DTX1: variants seen among roughly 807,000 people sequenced by gnomAD.
DTX1 encodes E3 ubiquitin-protein ligase DTX1.
DTX1 carries 26 observed loss-of-function variants against 57.8 expected under a neutral mutation model. That is an observed-to-expected ratio of 0.45 (90% CI 0.33 to 0.62). DTX1 has a LOEUF of 0.62. Ranked by LOEUF, DTX1 falls within the 20% of genes least tolerant of loss-of-function variation. The pLI, the probability that DTX1 is intolerant of heterozygous loss-of-function variation, is 0.02. For missense variants in DTX1, 704 were observed against 895.3 expected, an observed-to-expected ratio of 0.79 and a Z score of 2.73; for synonymous variants, 398 against 394.1, an observed-to-expected ratio of 1.01 and a Z score of -0.12.
rs543523980 is a variant in DTX1 at position 113,093,815 on chromosome 12, C to T, written c.1165+115C>T. The T allele has an allele frequency of 1.3e-6, 2 of 1,483,622 alleles. No homozygotes were observed. Among genetic ancestry groups the T allele is most frequent in the East Asian group, 4.9e-5 (2 of 40,988 alleles). 91.9% of individuals were successfully genotyped at this position (1,483,622 alleles called of 1,614,324 possible). On this transcript the variant is annotated intron_variant, in intron 5 of 9. Coordinates refer to ENST00000548759, the MANE Select transcript of DTX1 (RefSeq NM_004416.3). The surrounding 1 kb of genome is among the most constrained non-coding windows in gnomAD (Gnocchi z 4.2). ...GCATTTACTACCTCACCTCCATTGC[C>T]TGATCTCAGCTCCCCTTGCCCTGGC...
At position 113,078,102 on chromosome 12, in the gene DTX1, C is replaced by T. The variant is rs1423938882; in HGVS notation, c.938C>T (p.Pro313Leu). The change falls in exon 3 of 10, where the codon CCG becomes CTG. Residue 313 changes from proline (P) to leucine (L), a missense_variant. Pro to Leu is a moderately conservative substitution (Grantham distance 98). Coordinates refer to ENST00000548759, the MANE Select transcript of DTX1 (RefSeq NM_004416.3). Reference sequence around the variant, plus strand: ...GTGAGCGCGCGCGCCTCCATCCCGCCGGGGTAAGACGGGGCCCAGGGGGAG... The same window carrying T: ...GTGAGCGCGCGCGCCTCCATCCCGCTGGGGTAAGACGGGGCCCAGGGGGAG... Reference protein sequence around the residue: ...TSVSARASIPPGVPALPVKNL... With the variant: ...TSVSARASIPLGVPALPVKNL... The T allele has an allele frequency of 7.3e-7, 1 of 1,371,212 alleles. No homozygotes were observed. The highest frequency in any genetic ancestry group is 1.6e-5 in the South Asian group (1 of 62,110). The allele number at this position is 1,371,212 out of a possible 1,614,324, so 84.9% of individuals were successfully genotyped here.
At position 113,096,729 on chromosome 12, in the gene DTX1, C is replaced by G. The variant is rs373457698; in HGVS notation, c.1653C>G (p.Leu551=). The change falls in exon 10 of 10, where the codon CTC becomes CTG. Residue 551 remains leucine (L), a synonymous_variant. Coordinates refer to ENST00000548759, the MANE Select transcript of DTX1 (RefSeq NM_004416.3). ...NEKGRKVLRL[L]ITAWERRLIF... ...TGTCCCCCCAGGTGCTGCGGCTGCT[C>G]ATCACGGCCTGGGAGAGAAGACTCA... 3.0e-5 allele frequency: 49 copies of G among 1,612,596 alleles called. 1 individual carries two copies. Among genetic ancestry groups the G allele is most frequent in the Middle Eastern group, 3.3e-4 (2 of 6,080 alleles).
chr12:113,096,329 C>T (rs1950291039), intron 9 of DTX1, among the ~76,000 whole-genome samples: 2 of 149,406 alleles, frequency 1.3e-5, no homozygotes, highest in South Asian at 2.1e-4. Flanking sequence ...CATAGTGAGA[C>T]TTGGAGAGGC....
At chr12:113,089,997 G>A (rs1049283417) in intron 3 of DTX1, 1 of 152,260 alleles carries the variant, frequency 6.6e-6, no homozygotes, top group African/African-American at 2.4e-5. Context: ...TGCTTGGAGA[G>A]CTGTACTGAG....
intron 2 of DTX1, among the ~76,000 whole-genome samples, chr12:113,073,731 A>G (rs1184992101): frequency 6.6e-6 from 1 of 152,196 alleles, no homozygotes; most frequent in African/African-American, 2.4e-5. Flanking sequence ...GAGTTCCCCT[A>G]TCTGGTTGCA....
intron 2 of DTX1, among the ~76,000 whole-genome samples, chr12:113,075,029 A>T (rs578218928): frequency 6.6e-6 from 1 of 152,210 alleles, no homozygotes; most frequent in Admixed American, 6.5e-5. Context: ...CTCCCAGGGG[A>T]GAAGACGGGG....
At chr12:113,060,578 C>G (rs1195719999) in intron 2 of DTX1, among the ~76,000 whole-genome samples, 1 of 152,174 alleles carries the variant, frequency 6.6e-6, no homozygotes, top group Non-Finnish European at 1.5e-5. Context: ...TGGGATGCAT[C>G]TCCCACCAAG....
At chr12:113,087,660 T>A (rs1051131490) in intron 3 of DTX1, among the ~76,000 whole-genome samples, 5 of 152,116 alleles carry the variant, frequency 3.3e-5, no homozygotes, top group Non-Finnish European at 7.4e-5. Context: ...TTCTGCCCCC[T>A]CCTCACCCAC....
chr12:113,081,932 G>T (rs2044821068), intron 3 of DTX1, among the ~76,000 whole-genome samples: 1 of 152,136 alleles, frequency 6.6e-6, no homozygotes. Context: ...GGGAAGCCTG[G>T]GCTTGGTGCT....
At chr12:113,090,739 T>TGGG in intron 3 of DTX1, among the ~76,000 whole-genome samples, 1 of 152,336 alleles carries the variant, frequency 6.6e-6, no homozygotes, top group Non-Finnish European at 1.5e-5. Context: ...GGCCACGTGA[T>TGGG]ACTATCCTGT....
In DTX1 at chr12:113,096,747, A is replaced by G. The variant is rs1467581908; in HGVS notation, c.1671A>G (p.Arg557=). ...VLRLLITAWE[R]RLIFTIGTSN... ...GGCTGCTCATCACGGCCTGGGAGAG[A>G]AGACTCATCTTCACTATCGGCACGT... is the stretch of plus-strand genomic sequence containing the variant. Residue 557 remains arginine, a synonymous_variant, in exon 10 of 10, where the codon AGA becomes AGG. Coordinates refer to ENST00000548759, the MANE Select transcript of DTX1 (RefSeq NM_004416.3). 6.2e-7 allele frequency: 1 copy of G among 1,613,370 alleles called. No homozygotes were observed. Among genetic ancestry groups the G allele is most frequent in the Non-Finnish European group, 8.5e-7 (1 of 1,179,922 alleles).
intron 2 of DTX1, among the ~76,000 whole-genome samples, chr12:113,060,588 G>A (rs2044658063): frequency 6.6e-6 from 1 of 152,212 alleles, no homozygotes; most frequent in African/African-American, 2.4e-5. Context: ...CTCCCACCAA[G>A]GGGAAGATGG....
chr12:113,063,001 G>A (rs1379888539), intron 2 of DTX1, among the ~76,000 whole-genome samples: 1 of 152,244 alleles, frequency 6.6e-6, no homozygotes, highest in Non-Finnish European at 1.5e-5. Flanking sequence ...ATCAATCACG[G>A]TGGTGTCCCA....
intron 3 of DTX1, among the ~76,000 whole-genome samples, chr12:113,090,993 G>A (rs1950243292): frequency 6.6e-6 from 1 of 152,226 alleles, no homozygotes; most frequent in South Asian, 2.1e-4. Flanking sequence ...GTGCGGAATC[G>A]TGTGTCCGCG....
intron 3 of DTX1, among the ~76,000 whole-genome samples, chr12:113,086,563 A>G (rs1011635057): frequency 1.3e-5 from 2 of 152,182 alleles, no homozygotes; most frequent in African/African-American, 4.8e-5. Flanking sequence ...CTGAATGCTG[A>G]GCATAGACCG....
rs773827724 is a variant in DTX1, at chr12:113,095,161, C to A, written c.1506C>A (p.Thr502=). 30 of 1,612,956 alleles carry A rather than the reference C, an allele frequency of 1.9e-5. No homozygotes were observed. Among genetic ancestry groups the A allele is most frequent in the Non-Finnish European group, 2.3e-5 (27 of 1,179,126 alleles). ...ACTCGCTGCCCGGCTTCCCTGATACCCAGACCATCCGCATCGTCTATGACA... is the reference window on the plus strand; with the variant it reads ...ACTCGCTGCCCGGCTTCCCTGATACACAGACCATCCGCATCGTCTATGACA... ...IPHSLPGFPD[T]QTIRIVYDIP... is the part of the protein sequence containing the mutation. Residue 502 remains threonine, a synonymous_variant, in exon 8 of 10, where the codon ACC becomes ACA. Transcript: ENST00000548759.
chr12:113,075,474 G>A (rs1363113027), intron 2 of DTX1, among the ~76,000 whole-genome samples: 2 of 152,230 alleles, frequency 1.3e-5, no homozygotes, highest in African/African-American at 4.8e-5. Flanking sequence ...TTCTGCAGGT[G>A]TGCCAAATGA....
At chr12:113,063,607 C>T (rs529918146) in intron 2 of DTX1, among the ~76,000 whole-genome samples, 1 of 152,350 alleles carries the variant, frequency 6.6e-6, no homozygotes, top group Admixed American at 6.5e-5. Flanking sequence ...CAGCTGGGGA[C>T]CATCCAAAGA....
chr12:113,077,584 C>T lies in DTX1; in HGVS notation c.420C>T (p.Leu140=), dbSNP rs372532859. 5.9e-4 allele frequency: 955 copies of T among 1,613,716 alleles called. 3 individuals carry two copies. Among genetic ancestry groups the T allele is most frequent in the Admixed American group, 8.0e-4 (48 of 60,020 alleles). The change falls in exon 3 of 10, where the codon CTC becomes CTT. Residue 140 remains leucine (L), a synonymous_variant. Transcript: ENST00000548759. This position sits in a 1 kb window ranked among gnomAD's most constrained non-coding sequence, Gnocchi z 7.8. Reference sequence around the variant, plus strand: ...CCTACGAGAAGCAGCACCCGTGGCTCGACCTCTCATCGCTAGGCTTCTGCT... The same window carrying T: ...CCTACGAGAAGCAGCACCCGTGGCTTGACCTCTCATCGCTAGGCTTCTGCT... ...QNAYEKQHPW[L]DLSSLGFCYL...
Sources: allele counts gnomAD v4.1 joint callset (sites outside exome capture counted in the v4.1 genomes callset), GRCh38; gene constraint gnomAD v4.1.1; non-coding constraint Gnocchi (gnomAD v3.1); transcripts MANE v1.5; gene names NCBI Gene and HGNC (gene_info 2026-07-23, HGNC 2026-07-21).